Variants in RARB observed in about 807,000 individuals in gnomAD.
RARB encodes the protein retinoic acid receptor beta.
In RARB, 17 loss-of-function variants were observed where a neutral mutation model predicts 51.9. The observed-to-expected ratio is 0.33, with a 90% CI of 0.22 to 0.49. The LOEUF is 0.49. Among genes scored for constraint, RARB ranks in the 20% least tolerant of loss-of-function variants. The pLI is 0.99. For synonymous variants in RARB, 215 were observed against 195.4 expected, an observed-to-expected ratio of 1.10 and a Z score of -0.84; for missense variants, 369 against 550.8, an observed-to-expected ratio of 0.67 and a Z score of 3.30.
chr3:25,235,045 C>A (rs997242412), intron 5 of RARB, among the ~76,000 whole-genome samples: 1 of 152,092 alleles, frequency 6.6e-6, no homozygotes, highest in African/African-American at 2.4e-5. Flanking sequence ...GGATCTCTGG[C>A]CAGAAATAGG....
chr3:25,572,804 TCC>T (rs1318513648), intron 4 of RARB, among the ~76,000 whole-genome samples: 1 of 151,888 alleles, frequency 6.6e-6, no homozygotes, highest in Non-Finnish European at 1.5e-5. Context: ...TACATCAGGG[TCC>T]CCCTCCGCCT....
chr3:25,576,479 G>A (rs1210921245), intron 4 of RARB, among the ~76,000 whole-genome samples: 1 of 151,972 alleles, frequency 6.6e-6, no homozygotes, highest in Non-Finnish European at 1.5e-5. Flanking sequence ...CCCTGCACTC[G>A]ACCAAGGCCC....
At chr3:25,335,403 T>G (rs1705034851) in intron 5 of RARB, among the ~76,000 whole-genome samples, 1 of 152,198 alleles carries the variant, frequency 6.6e-6, no homozygotes, top group Non-Finnish European at 1.5e-5. Flanking sequence ...GGGCACTGAT[T>G]ATGAACTGAA....
At chr3:24,910,882 T>C (rs1195695228) in intron 2 of RARB, among the ~76,000 whole-genome samples, 3 of 152,204 alleles carry the variant, frequency 2.0e-5, no homozygotes, top group African/African-American at 7.2e-5. Flanking sequence ...GGGAGGCTAG[T>C]AGTCTAGCTG....
At chr3:25,328,240 C>A (rs1362447162) in intron 5 of RARB, among the ~76,000 whole-genome samples, 1 of 152,226 alleles carries the variant, frequency 6.6e-6, no homozygotes, top group Admixed American at 6.5e-5. Flanking sequence ...TGCCTCTAGG[C>A]CGGGTGCAGT....
intron 5 of RARB, among the ~76,000 whole-genome samples, chr3:25,317,318 G>A (rs891770028): frequency 1.3e-5 from 2 of 151,882 alleles, no homozygotes; most frequent in African/African-American, 4.8e-5. Context: ...AGGAAGCGAA[G>A]GTAGGTTAAT....
intron 1 of RARB, among the ~76,000 whole-genome samples, chr3:24,832,216 T>A (rs1196478346): frequency 6.6e-6 from 1 of 152,170 alleles, no homozygotes; most frequent in Non-Finnish European, 1.5e-5. Context: ...ATCAAGCATA[T>A]GAATGTTTAA....
rs1179244493 is a variant in RARB at position 25,515,500 on chromosome 3, C to T, written c.448+14177C>T. Among the ~76,000 whole-genome samples, 3 of 152,116 alleles carry T rather than the reference C, an allele frequency of 2.0e-5. No homozygotes were observed. In the East Asian group the frequency reaches 5.8e-4, roughly 29 times the overall value. ...TCACAGCAGATTTATTGATAATAGTCCAATCCTGGGGGGGAGGGGGAACAA... is the reference window on the plus strand; with the variant it reads ...TCACAGCAGATTTATTGATAATAGTTCAATCCTGGGGGGGAGGGGGAACAA... On this transcript the variant is annotated intron_variant, in intron 3 of 7. Coordinates refer to ENST00000330688, the MANE Select transcript of RARB (RefSeq NM_000965.5).
intron 3 of RARB, among the ~76,000 whole-genome samples, chr3:25,501,828 C>G (rs948460642): frequency 6.6e-6 from 1 of 152,074 alleles, no homozygotes; most frequent in African/African-American, 2.4e-5. Context: ...TTTTTCTTCT[C>G]CAAGCCATCT....
chr3:25,247,043 C>G (rs372925358), intron 5 of RARB, among the ~76,000 whole-genome samples: 3 of 152,222 alleles, frequency 2.0e-5, no homozygotes, highest in Admixed American at 2.0e-4. Flanking sequence ...TCTAGACAGG[C>G]GGTCTGGCTA....
chr3:25,282,999 A>G lies in RARB; in HGVS notation c.178+108424A>G, dbSNP rs529143731. Reference sequence around the variant, plus strand: ...CTTTGTCACTGGACATTGTAAGAACACGGAGGAGCGACACTGTCTCTTCCC... The same window carrying G: ...CTTTGTCACTGGACATTGTAAGAACGCGGAGGAGCGACACTGTCTCTTCCC... On this transcript the variant is annotated intron_variant, in intron 5 of 11. Coordinates refer to the RARB transcript ENST00000383772. Among the ~76,000 whole-genome samples, 7 of 152,292 alleles carry G rather than the reference A, an allele frequency of 4.6e-5. No homozygotes were observed. In the East Asian group the frequency reaches 1.4e-3, roughly 29 times the overall value.
At chr3:25,235,985 A>C (rs149027805) in intron 5 of RARB, among the ~76,000 whole-genome samples, 1 of 152,280 alleles carries the variant, frequency 6.6e-6, no homozygotes, top group African/African-American at 2.4e-5. Flanking sequence ...ACTTTATAAG[A>C]TTTTAAACCT....
chr3:25,118,170 A>G (rs1699722416), intron 3 of RARB, among the ~76,000 whole-genome samples: 1 of 152,210 alleles, frequency 6.6e-6, no homozygotes, highest in African/African-American at 2.4e-5. Flanking sequence ...GTATAATGTC[A>G]TGAATGGTGT....
At chr3:25,457,886 T>C (rs1440760899) in intron 1 of RARB, among the ~76,000 whole-genome samples, 1 of 152,184 alleles carries the variant, frequency 6.6e-6, no homozygotes, top group Non-Finnish European at 1.5e-5. Flanking sequence ...GCTCCCCACC[T>C]TCCTTCTGTG....
At chr3:24,832,651 A>ATATATATATAT (rs1553606277) in intron 1 of RARB, among the ~76,000 whole-genome samples, 27 of 136,602 alleles carry the variant, frequency 2.0e-4, no homozygotes, top group South Asian at 7.0e-4. Flanking sequence ...ATATATATAT[A>ATATATATATAT]ATGTCAATTA....
At chr3:25,133,491 T>C (rs1344104437) in intron 4 of RARB, among the ~76,000 whole-genome samples, 3 of 151,942 alleles carry the variant, frequency 2.0e-5, no homozygotes, top group Non-Finnish European at 4.4e-5. Flanking sequence ...GGGAAACAAA[T>C]ATGCAATTTA....
intron 2 of RARB, among the ~76,000 whole-genome samples, chr3:24,978,612 AT>A (rs1285714843): frequency 2.0e-5 from 3 of 151,442 alleles, no homozygotes; most frequent in African/African-American, 7.3e-5. Flanking sequence ...CCCCTTTATG[AT>A]TTTTTTATTG....
intron 2 of RARB, among the ~76,000 whole-genome samples, chr3:24,956,959 C>T (rs918781814): frequency 6.6e-5 from 10 of 152,156 alleles, no homozygotes; most frequent in African/African-American, 2.2e-4. Context: ...CTCTGAGTTA[C>T]GGAGTCGAGA....
intron 5 of RARB, among the ~76,000 whole-genome samples, chr3:25,210,860 G>C (rs997713801): frequency 6.6e-6 from 1 of 151,828 alleles, no homozygotes; most frequent in Non-Finnish European, 1.5e-5. Context: ...ACAGGAAAAC[G>C]TTTACTGACT....
Sources: gnomAD v4.1 joint callset for allele counts (sites outside exome capture counted in the v4.1 genomes callset) on GRCh38, gnomAD v4.1.1 for gene constraint, MANE v1.5 for transcripts, NCBI Gene and HGNC (gene_info 2026-07-23, HGNC 2026-07-21) for gene names.